Variants in RCBTB1 observed in about 807,000 individuals in gnomAD.
The protein encoded by RCBTB1 is RCC1 and BTB domain containing protein 1.
A neutral mutation model predicts 62.4 loss-of-function variants in RCBTB1; 46 were observed. That is an observed-to-expected ratio of 0.74 (90% CI 0.58 to 0.94). RCBTB1 has a LOEUF of 0.94. RCBTB1 is among the 40% of genes least tolerant of loss of function. RCBTB1 has a pLI of 0.00. For missense variants in RCBTB1, 565 were observed against 654.9 expected (o/e 0.86, Z 1.50); for synonymous variants, 222 against 245.8 (o/e 0.90, Z 0.91).
At chr13:49,555,775 C>G (rs911465304) in intron 5 of RCBTB1, 102 bp from the exon 6 acceptor site, 2 of 855,138 alleles carry the variant, frequency 2.3e-6, no homozygotes, top group African/African-American at 3.5e-5. Flanking sequence ...TTAATGAGTA[C>G]TTAAGATGTG....
chr13:49,582,866 G>A (rs1289568681), intron 1 of RCBTB1, among the ~76,000 whole-genome samples: 1 of 152,170 alleles, frequency 6.6e-6, no homozygotes, highest in Admixed American at 6.5e-5. Flanking sequence ...AAGAGTAAGA[G>A]GGGAGGTAGC....
intron 5 of RCBTB1, among the ~76,000 whole-genome samples, chr13:49,556,094 G>T (rs896033190): frequency 4.6e-5 from 7 of 152,002 alleles, no homozygotes; most frequent in African/African-American, 1.2e-4. Context: ...AGGAAATGCG[G>T]TATATGCCAC....
intron 12 of RCBTB1, among the ~76,000 whole-genome samples, chr13:49,539,015 A>G (rs9591272): frequency 0.13 from 20,370 of 151,522 alleles, 1,443 homozygotes; most frequent in South Asian, 0.26. Flanking sequence ...GATTACAGGT[A>G]CGCACCACCA....
At chr13:49,562,132 C>A (rs1046510424) in intron 4 of RCBTB1, among the ~76,000 whole-genome samples, 1 of 150,568 alleles carries the variant, frequency 6.6e-6, no homozygotes, top group African/African-American at 2.4e-5. Flanking sequence ...TTTAAAATAA[C>A]CTGTAATTCT....
intron 12 of RCBTB1, among the ~76,000 whole-genome samples, chr13:49,535,847 A>T (rs1594240013): frequency 6.6e-6 from 1 of 151,996 alleles, no homozygotes; most frequent in African/African-American, 2.4e-5. Context: ...ACATGGTGAA[A>T]CCCCGTCTCT....
At chr13:49,560,948 C>T (rs1270445151) in intron 4 of RCBTB1, among the ~76,000 whole-genome samples, 1 of 152,180 alleles carries the variant, frequency 6.6e-6, no homozygotes, top group African/African-American at 2.4e-5. Flanking sequence ...GCCACCCCCT[C>T]CCAGCACCTC....
chr13:49,539,387 G>A (rs1377308407), intron 12 of RCBTB1: 1 of 152,180 alleles, frequency 6.6e-6, no homozygotes, highest in Non-Finnish European at 1.5e-5. Flanking sequence ...GCTGGCACAG[G>A]AAGCAGCAGC....
intron 4 of RCBTB1, among the ~76,000 whole-genome samples, chr13:49,564,991 G>T (rs1437238733): frequency 6.7e-6 from 1 of 149,008 alleles, no homozygotes; most frequent in Non-Finnish European, 1.5e-5. Flanking sequence ...TAGGATTGCA[G>T]CTGTCCCGCT....
At chr13:49,576,908 C>A (rs1963823480) in intron 2 of RCBTB1, among the ~76,000 whole-genome samples, 1 of 151,828 alleles carries the variant, frequency 6.6e-6, no homozygotes, top group South Asian at 2.1e-4. Context: ...CGCAAAAATG[C>A]AAGCAGAGGT....
chr13:49,557,639 G>A (rs1274974163), intron 5 of RCBTB1, among the ~76,000 whole-genome samples: 2 of 152,092 alleles, frequency 1.3e-5, no homozygotes, highest in East Asian at 3.8e-4. Context: ...TGAACTCTAG[G>A]TTGGGTGCGG....
intron 5 of RCBTB1, among the ~76,000 whole-genome samples, chr13:49,557,088 T>C (rs1262767756): frequency 8.5e-5 from 13 of 152,148 alleles, no homozygotes; most frequent in Admixed American, 3.9e-4. Context: ...GAAATCTTGG[T>C]CTCCCTGAGC....
At chr13:49,549,413 G>T in intron 9 of RCBTB1, 45 bp downstream of exon 9, 1 of 1,553,934 alleles carries the variant, frequency 6.4e-7, no homozygotes, top group African/African-American at 1.4e-5. Flanking sequence ...TGGTCAGTTG[G>T]TAGTACCATT....
intron 4 of RCBTB1, among the ~76,000 whole-genome samples, chr13:49,564,022 A>G (rs1435506389): frequency 6.6e-6 from 1 of 152,238 alleles, no homozygotes. Context: ...TAATGTATCT[A>G]AAGTATAAAA....
At position 49,559,955 on chromosome 13, in the gene RCBTB1, C is replaced by T; in HGVS notation, c.407G>A (p.Gly136Asp). The T allele has an allele frequency of 6.2e-7, 1 of 1,614,104 alleles. No individual in the cohort carries two copies. The highest frequency in any genetic ancestry group is 8.5e-7 in the Non-Finnish European group (1 of 1,179,994). The change falls in exon 5 of 13, where the codon GGC (glycine) becomes GAC (aspartate). Residue 136 changes from glycine (G) to aspartate (D), a missense_variant. Coordinates refer to ENST00000378302, the MANE Select transcript of RCBTB1 (RefSeq NM_018191.4). ...LIKQVVEVAC[G>D]SHHSMALAAD... ...TGCCAGAGCCATTGAATGATGTGAGCCACAAGCTACTTCCACCACTTGCTT... is the reference window on the plus strand; with the variant it reads ...TGCCAGAGCCATTGAATGATGTGAGTCACAAGCTACTTCCACCACTTGCTT...
At chr13:49,540,805 C>A in intron 12 of RCBTB1, 71 bp downstream of exon 12, 2 of 1,527,280 alleles carry the variant, frequency 1.3e-6, no homozygotes, top group African/African-American at 1.4e-5. Flanking sequence ...CCATGCCTCA[C>A]GCAAGAAGCG....
chr13:49,581,446 CA>C (rs1964091519), intron 1 of RCBTB1, among the ~76,000 whole-genome samples: 1 of 152,194 alleles, frequency 6.6e-6, no homozygotes, highest in South Asian at 2.1e-4. Context: ...CAGCAGGCCT[CA>C]GGGGTGATGA....
chr13:49,557,149 C>A (rs975809363), intron 5 of RCBTB1, among the ~76,000 whole-genome samples: 5 of 152,184 alleles, frequency 3.3e-5, no homozygotes, highest in African/African-American at 1.2e-4. Context: ...ATCTCTGTAA[C>A]ATCACTGAGG....
chr13:49,557,187 T>C (rs1961992864), intron 5 of RCBTB1, among the ~76,000 whole-genome samples: 1 of 152,186 alleles, frequency 6.6e-6, no homozygotes, highest in Non-Finnish European at 1.5e-5. Flanking sequence ...CAGTATGATC[T>C]AATCTGTGTT....
chr13:49,568,909 C>CA (rs1963211214), intron 2 of RCBTB1, among the ~76,000 whole-genome samples: 1 of 152,070 alleles, frequency 6.6e-6, no homozygotes, highest in Non-Finnish European at 1.5e-5. Flanking sequence ...AGCCTGGTGA[C>CA]AGAGCGAGAC....
Sources: allele counts gnomAD v4.1 joint callset (sites outside exome capture counted in the v4.1 genomes callset), GRCh38; gene constraint gnomAD v4.1.1; transcripts MANE v1.5; gene names NCBI Gene and HGNC (gene_info 2026-07-23, HGNC 2026-07-21).